The following EML5 variants were observed in gnomAD, a reference collection of about 807,000 sequenced individuals.
EML5 encodes echinoderm microtubule-associated protein-like 5.
EML5 carries 120 observed loss-of-function variants against 250.0 expected under a neutral mutation model. The ratio of observed to expected loss-of-function variants is 0.48; its 90% CI spans 0.41 to 0.56. EML5 has a LOEUF of 0.56. Ranked by LOEUF, EML5 falls within the 20% of genes least tolerant of loss-of-function variation. EML5 has a pLI of 0.00. For missense variants in EML5, 2,006 were observed against 2,437.6 expected, an observed-to-expected ratio of 0.82 and a Z score of 3.73; for synonymous variants, 771 against 806.5, an observed-to-expected ratio of 0.96 and a Z score of 0.75.
intron 5 of EML5, 49 bp from the exon 6 acceptor site, chr14:88,739,063 T>C (rs2093887408): frequency 4.6e-6 from 7 of 1,528,712 alleles, no homozygotes; most frequent in Non-Finnish European, 6.2e-6. Context: ...TTTAAGAACA[T>C]CTACTATATG....
intron 30 of EML5, among the ~76,000 whole-genome samples, chr14:88,643,420 A>T (rs2091176155): frequency 6.6e-6 from 1 of 152,230 alleles, no homozygotes; most frequent in African/African-American, 2.4e-5. Context: ...AATATTGTAT[A>T]ACAAATATGT....
chr14:88,627,386 T>G (rs2140420507), intron 34 of EML5: 1 of 480,902 alleles, frequency 2.1e-6, no homozygotes, highest in Non-Finnish European at 3.7e-6. Flanking sequence ...AAATACATAG[T>G]TTCTTGCTGG....
Position 88,792,771 on chromosome 14 carries a change from G to T in EML5, c.-268C>A. On this transcript the variant is annotated 5_prime_UTR_variant, in exon 1 of 44. Transcript: ENST00000554922. The surrounding 1 kb of genome is among the most constrained non-coding windows in gnomAD (Gnocchi z 6.9). ...TGCCCAGAGCCCTTCGCCCGCCTCG[G>T]CTCGCCTAGTCTCCTCAGCCCGTAG... is the stretch of plus-strand genomic sequence containing the variant. 1.9e-6 allele frequency: 2 copies of T among 1,034,374 alleles called. No individual in the cohort carries two copies. Among genetic ancestry groups the T allele is most frequent in the African/African-American group, 1.7e-5 (1 of 59,008 alleles). 64.1% of individuals were successfully genotyped at this position (1,034,374 alleles called of 1,614,324 possible).
chr14:88,681,795 C>A, intron 21 of EML5, 95 bp downstream of exon 21: 1 of 1,318,580 alleles, frequency 7.6e-7, no homozygotes, highest in South Asian at 1.8e-5. Context: ...ATATTTAAAG[C>A]CTTTTTAAAA....
At chr14:88,755,591 T>C (rs954078521) in intron 1 of EML5, among the ~76,000 whole-genome samples, 1 of 152,200 alleles carries the variant, frequency 6.6e-6, no homozygotes, top group Non-Finnish European at 1.5e-5. Context: ...TGATAATTTT[T>C]TCTATATGTC....
intron 2 of EML5, among the ~76,000 whole-genome samples, chr14:88,751,699 T>A (rs1346327428): frequency 2.0e-5 from 3 of 151,724 alleles, no homozygotes; most frequent in Non-Finnish European, 4.4e-5. Flanking sequence ...GTAAGTAAAG[T>A]GAAAAGAAAA....
chr14:88,705,224 G>A (rs1429230138), intron 12 of EML5, among the ~76,000 whole-genome samples: 1 of 151,996 alleles, frequency 6.6e-6, no homozygotes, highest in Non-Finnish European at 1.5e-5. Context: ...AAAGAATATT[G>A]TTAAAGGAAT....
intron 14 of EML5, among the ~76,000 whole-genome samples, chr14:88,699,969 TATATACACACACACATAC>T (rs965344045): frequency 1.3e-5 from 2 of 152,038 alleles, no homozygotes; most frequent in Non-Finnish European, 2.9e-5. Flanking sequence ...CACACACACA[TATATACACACACACATAC>T]ATATACACAC....
In EML5 at chr14:88,695,358, T is replaced by C. The variant is rs767826278; in HGVS notation, c.2438+3A>G. On this transcript the variant is annotated splice_donor_region_variant and intron_variant, in intron 16 of 43. Coordinates refer to ENST00000554922, the MANE Select transcript of EML5 (RefSeq NM_183387.3). ...CAAATGTGATATCAAGTTTTTTTCC[T>C]ACCTTGCTATTGAAAGTTTCTCTCC... 7 of 1,606,628 alleles carry C rather than the reference T, an allele frequency of 4.4e-6. No individual in the cohort carries two copies. The African/African-American group carries it at 9.4e-5, about 21-fold the overall frequency.
At chr14:88,645,886 T>C (rs1370082214) in intron 29 of EML5, among the ~76,000 whole-genome samples, 1 of 152,222 alleles carries the variant, frequency 6.6e-6, no homozygotes, top group East Asian at 1.9e-4. Context: ...ATTTATAATG[T>C]GCCGTGTCCC....
intron 1 of EML5, among the ~76,000 whole-genome samples, chr14:88,764,067 C>T (rs1368016854): frequency 6.6e-6 from 1 of 152,166 alleles, no homozygotes; most frequent in African/African-American, 2.4e-5. Flanking sequence ...TTGAACCAGC[C>T]TTGTATTCCT....
At chr14:88,693,070 A>G (rs933097926) in intron 17 of EML5, among the ~76,000 whole-genome samples, 1 of 152,232 alleles carries the variant, frequency 6.6e-6, no homozygotes, top group Non-Finnish European at 1.5e-5. Flanking sequence ...TTTGTACTAT[A>G]AATGATACAC....
intron 1 of EML5, among the ~76,000 whole-genome samples, chr14:88,779,141 GAT>G (rs1444721732): frequency 1.3e-5 from 2 of 152,168 alleles, no homozygotes; most frequent in Non-Finnish European, 2.9e-5. Context: ...ACTAATTAAT[GAT>G]GGGTATGAAA....
chr14:88,771,027 C>G (rs889935897), intron 1 of EML5, among the ~76,000 whole-genome samples: 17 of 151,222 alleles, frequency 1.1e-4, no homozygotes, highest in African/African-American at 4.1e-4. Flanking sequence ...TTTATCATAA[C>G]TATAAGGAAA....
intron 36 of EML5, chr14:88,624,298 C>T (rs1189799561): frequency 1.3e-5 from 2 of 152,420 alleles, no homozygotes; most frequent in Non-Finnish European, 2.9e-5. Context: ...TGGTCTTGAA[C>T]TCCTGGGCTC....
At chr14:88,663,676 A>G (rs1356740526) in intron 23 of EML5, among the ~76,000 whole-genome samples, 1 of 151,906 alleles carries the variant, frequency 6.6e-6, no homozygotes, top group Non-Finnish European at 1.5e-5. Context: ...TAAAATCTTC[A>G]TTAACATTTC....
At chr14:88,698,442 T>A in intron 14 of EML5, among the ~76,000 whole-genome samples, 1 of 152,036 alleles carries the variant, frequency 6.6e-6, no homozygotes, top group South Asian at 2.1e-4. Context: ...AATTTTTGTA[T>A]TTTTTGTAAA....
At chr14:88,710,921 T>A (rs1367673838) in intron 10 of EML5, among the ~76,000 whole-genome samples, 3 of 152,212 alleles carry the variant, frequency 2.0e-5, no homozygotes, top group Non-Finnish European at 4.4e-5. Context: ...TAATATCGAC[T>A]TCTCTCTTGC....
chr14:88,761,979 T>A (rs2094251180), intron 1 of EML5, among the ~76,000 whole-genome samples: 1 of 152,236 alleles, frequency 6.6e-6, no homozygotes. Flanking sequence ...GTTGTCTGCA[T>A]AAATGTCTTC....
Sources: gnomAD v4.1 joint callset for allele counts (sites outside exome capture counted in the v4.1 genomes callset) on GRCh38, gnomAD v4.1.1 for gene constraint, Gnocchi (gnomAD v3.1) non-coding constraint, MANE v1.5 for transcripts, NCBI Gene and HGNC (gene_info 2026-07-23, HGNC 2026-07-21) for gene names.